FAM185A: variants seen among roughly 807,000 people sequenced by gnomAD.
The protein encoded by FAM185A is family with sequence similarity 185 member A, also known as protein FAM185A.
FAM185A carries 21 observed loss-of-function variants against 45.7 expected under a neutral mutation model. The ratio of observed to expected loss-of-function variants is 0.46; its 90% CI spans 0.33 to 0.66. The LOEUF is 0.66. Ranked by LOEUF, FAM185A falls within the 30% of genes least tolerant of loss-of-function variation. The pLI, the probability that FAM185A is intolerant of heterozygous loss-of-function variation, is 0.03. For synonymous variants in FAM185A, 117 were observed against 194.0 expected (o/e 0.60, Z 3.30); for missense variants, 305 against 485.4 (o/e 0.63, Z 3.49).
chr7:102,830,996 C>T, the FAM185A span, among the ~76,000 whole-genome samples: 2 of 152,102 alleles, frequency 1.3e-5, no homozygotes, highest in African/African-American at 2.4e-5. Context: ...TCAGAGTACA[C>T]GCATCTCTAT....
the FAM185A span, among the ~76,000 whole-genome samples, chr7:102,834,069 G>GAAGT: frequency 8.8e-6 from 1 of 113,020 alleles, no homozygotes; most frequent in Non-Finnish European, 1.7e-5. Flanking sequence ...AGGAAGGAAG[G>GAAGT]AAGGAAGGAA....
the FAM185A span, among the ~76,000 whole-genome samples, chr7:102,838,592 T>G: frequency 6.6e-6 from 1 of 152,156 alleles, no homozygotes; most frequent in Non-Finnish European, 1.5e-5. Context: ...ACCTGTACCC[T>G]GAACAATTGC....
chr7:102,825,182 T>C, the FAM185A span, among the ~76,000 whole-genome samples: 1 of 152,344 alleles, frequency 6.6e-6, no homozygotes, highest in Non-Finnish European at 1.5e-5. Flanking sequence ...TTGTATGCTA[T>C]GGTTTGAATG....
chr7:102,832,828 TC>T, the FAM185A span: 2 of 1,614,124 alleles, frequency 1.2e-6, no homozygotes, highest in Non-Finnish European at 1.7e-6. Flanking sequence ...GAGCCCTGAC[TC>T]CTGCACATAC....
At chr7:102,840,317 G>A in the FAM185A span, among the ~76,000 whole-genome samples, 2 of 152,154 alleles carry the variant, frequency 1.3e-5, no homozygotes, top group African/African-American at 2.4e-5. Flanking sequence ...TACCCAAATG[G>A]CAATCAGATA....
At chr7:102,788,956 G>A (rs936164693) in intron 7 of FAM185A, among the ~76,000 whole-genome samples, 2 of 152,220 alleles carry the variant, frequency 1.3e-5, no homozygotes, top group Admixed American at 1.3e-4. Flanking sequence ...CATAAGTGGA[G>A]CTTGTAGGAC....
At chr7:102,821,734 G>A in the FAM185A span, among the ~76,000 whole-genome samples, 4,201 of 152,218 alleles carry the variant, frequency 0.028, 88 homozygotes, top group Non-Finnish European at 0.037. Context: ...TGCTCTAGGG[G>A]AGATTAACTG....
chr7:102,848,363 T>C, the FAM185A span, among the ~76,000 whole-genome samples: 2 of 50,664 alleles, frequency 3.9e-5, no homozygotes. Context: ...GAGACCATCC[T>C]GGCTAACACG....
At chr7:102,799,993 T>C (rs147821466) in intron 7 of FAM185A, among the ~76,000 whole-genome samples, 205 of 152,242 alleles carry the variant, frequency 1.3e-3, no homozygotes, top group African/African-American at 4.8e-3. Context: ...AGGAAGCAGA[T>C]TGCTCCTACA....
At chr7:102,773,734 A>AT (rs1178376641) in intron 5 of FAM185A, among the ~76,000 whole-genome samples, 1 of 152,060 alleles carries the variant, frequency 6.6e-6, no homozygotes, top group Non-Finnish European at 1.5e-5. Context: ...CAGTTTTAAA[A>AT]TTTTTTTATA....
At chr7:102,758,148 A>G (rs1344191979) in intron 3 of FAM185A, among the ~76,000 whole-genome samples, 2 of 152,038 alleles carry the variant, frequency 1.3e-5, no homozygotes, top group Admixed American at 6.5e-5. Context: ...TACTTTTGAC[A>G]GTTACTTAGT....
At chr7:102,814,143 T>C (rs978234579), downstream of FAM185A, among the ~76,000 whole-genome samples, 1 of 152,144 alleles carries the variant, frequency 6.6e-6, no homozygotes, top group African/African-American at 2.4e-5. Context: ...AGAAAAAAAG[T>C]AGGTCTAACT....
the FAM185A span, among the ~76,000 whole-genome samples, chr7:102,845,709 G>A: frequency 1.3e-5 from 2 of 152,100 alleles, no homozygotes; most frequent in Non-Finnish European, 2.9e-5. Flanking sequence ...TGTTCAGGTT[G>A]CTATCCTGTC....
chr7:102,807,832 G>A (rs1797219517), intron 7 of FAM185A, among the ~76,000 whole-genome samples: 1 of 152,134 alleles, frequency 6.6e-6, no homozygotes, highest in Non-Finnish European at 1.5e-5. Flanking sequence ...GCCAAGGTGG[G>A]TGGATCACCT....
chr7:102,761,363 T>G lies in FAM185A; in HGVS notation c.745T>G (p.Ser249Ala). The change falls in exon 4 of 8, where the codon TCA (serine) becomes GCA (alanine). Residue 249 changes from serine (S) to alanine (A), a missense_variant. By Grantham distance (99) the Ser-to-Ala change is moderately conservative. This residue lies in a region of FAM185A where 44 missense variants were observed against 66.8 expected (regional missense o/e 0.66). Coordinates refer to ENST00000413034, the MANE Select transcript of FAM185A (RefSeq NM_001145268.2). The part of the protein sequence containing the change: ...LKAKYLYTES[S>A]FLSSAAGDIT... Reference sequence around the variant, plus strand: ...AGCCAAGTATCTTTATACAGAATCATCATTTCTGTCTTCTGCTGCTGGGGA... The same window carrying G: ...AGCCAAGTATCTTTATACAGAATCAGCATTTCTGTCTTCTGCTGCTGGGGA... 1.9e-6 allele frequency: 3 copies of G among 1,544,940 alleles called. No homozygotes were observed. Among genetic ancestry groups the G allele is most frequent in the Non-Finnish European group, 1.7e-6 (2 of 1,144,300 alleles).
chr7:102,750,340 A>G (rs144685054), intron 1 of FAM185A, among the ~76,000 whole-genome samples: 123 of 152,304 alleles, frequency 8.1e-4, no homozygotes, highest in African/African-American at 2.5e-3. Context: ...CTGATGGAAG[A>G]TATTGATGAT....
the FAM185A span, among the ~76,000 whole-genome samples, chr7:102,831,394 GACAC>G: frequency 0.054 from 7,608 of 141,546 alleles, 209 homozygotes; most frequent in East Asian, 0.083. Context: ...CAGTGCCCGG[GACAC>G]ACACACACAC....
At chr7:102,764,850 A>G (rs894729681) in intron 4 of FAM185A, among the ~76,000 whole-genome samples, 28 of 152,238 alleles carry the variant, frequency 1.8e-4, no homozygotes, top group African/African-American at 6.3e-4. Context: ...CAACATATAG[A>G]TGTTGTAAAA....
chr7:102,822,562 T>C, the FAM185A span: 3 of 421,250 alleles, frequency 7.1e-6, no homozygotes, highest in South Asian at 5.3e-5. Flanking sequence ...AAGGCCCCAC[T>C]TTCTATTACT....
Sources: allele counts gnomAD v4.1 joint callset (sites outside exome capture counted in the v4.1 genomes callset), GRCh38; gene constraint gnomAD v4.1.1; regional missense constraint gnomAD v4.1.1; transcripts MANE v1.5; gene names NCBI Gene and HGNC (gene_info 2026-07-23, HGNC 2026-07-21).